Variants in NR3C2 observed in about 807,000 individuals in gnomAD.
The protein encoded by NR3C2 is nuclear receptor subfamily 3 group C member 2.
Under a neutral mutation model 86.4 loss-of-function variants are expected in NR3C2, and 15 were observed. That is an observed-to-expected ratio of 0.17 (90% CI 0.12 to 0.27). The LOEUF (loss-of-function observed/expected upper bound fraction) is 0.27. NR3C2 is among the 10% of genes least tolerant of loss of function. The probability of loss-of-function intolerance (pLI) is 1.00; values close to 1 mark genes in which losing one functional copy is unlikely to be tolerated. For synonymous variants in NR3C2, 458 were observed against 450.5 expected, an observed-to-expected ratio of 1.02 and a Z score of -0.21; for missense variants, 960 against 1,195.6, an observed-to-expected ratio of 0.80 and a Z score of 2.91.
At chr4:148,118,390 G>A (rs72961519) in intron 7 of NR3C2, among the ~76,000 whole-genome samples, 2 of 152,046 alleles carry the variant, frequency 1.3e-5, no homozygotes, top group Admixed American at 6.6e-5. Context: ...CTCTCACCTC[G>A]TGGCTTCCAA....
At chr4:148,134,625 TTCTCTCTCTC>T (rs199563185) in intron 6 of NR3C2, among the ~76,000 whole-genome samples, 2 of 101,064 alleles carry the variant, frequency 2.0e-5, no homozygotes, top group Admixed American at 1.1e-4. Context: ...CTCCCTGTGA[TTCTCTCTCTC>T]TCTCTCTCTT....
At chr4:148,417,120 G>GT (rs774643807) in intron 2 of NR3C2, among the ~76,000 whole-genome samples, 2 of 151,918 alleles carry the variant, frequency 1.3e-5, no homozygotes, top group Non-Finnish European at 2.9e-5. Context: ...TCTTTTCCTT[G>GT]TTTTTTCCCT....
At chr4:148,138,483 G>C (rs1292418173) in intron 6 of NR3C2, among the ~76,000 whole-genome samples, 1 of 152,068 alleles carries the variant, frequency 6.6e-6, no homozygotes, top group African/African-American at 2.4e-5. Context: ...CCTGGGCTCA[G>C]GTGGATCCTC....
rs1560934149 is a variant in NR3C2, at chr4:148,125,422, C to T, written c.2511-5134G>A. Among the ~76,000 whole-genome samples the T allele has an allele frequency of 4.6e-5, 7 of 152,196 alleles. No individual in the cohort carries two copies. The South Asian group carries it at 1.2e-3, about 27-fold the overall frequency. The stretch of plus-strand genomic sequence containing the variant: ...TGGAGTCTAGCTTCCTGTCACCTTT[C>T]TCTGTCTGTGTTCTAATACCCACTC... On this transcript the variant is annotated intron_variant, in intron 6 of 8. Transcript: ENST00000358102.
chr4:148,399,413 A>G (rs754993214), intron 2 of NR3C2, among the ~76,000 whole-genome samples: 4 of 151,844 alleles, frequency 2.6e-5, no homozygotes, highest in Non-Finnish European at 4.4e-5. Context: ...AATGACATAC[A>G]TATAGTGTAT....
chr4:148,249,406 TCA>T (rs1739470039), intron 3 of NR3C2, among the ~76,000 whole-genome samples: 1 of 152,224 alleles, frequency 6.6e-6, no homozygotes, highest in Non-Finnish European at 1.5e-5. Context: ...TGAATTTATA[TCA>T]GACTTATCAA....
chr4:148,346,329 T>C (rs751478531), intron 2 of NR3C2, among the ~76,000 whole-genome samples: 1 of 152,082 alleles, frequency 6.6e-6, no homozygotes, highest in Non-Finnish European at 1.5e-5. Flanking sequence ...ACATGGTCCA[T>C]GGAACTGGCA....
At position 148,290,042 on chromosome 4, in the gene NR3C2, A is replaced by G. The variant is rs184401783; in HGVS notation, c.1758-29925T>C. On this transcript the variant is annotated intron_variant, in intron 2 of 8. Coordinates refer to ENST00000358102, the MANE Select transcript of NR3C2 (RefSeq NM_000901.5). ...CCTAGGGTTGCCATAACAAACTACC[A>G]CAGGCTGGGTGGTTAAATCAACAAT... Among the ~76,000 whole-genome samples the G allele has an allele frequency of 3.3e-5, 5 of 152,238 alleles. No individual in the cohort carries two copies. The East Asian group carries it at 9.7e-4, about 29-fold the overall frequency.
At chr4:148,215,842 C>G (rs1257751111) in intron 3 of NR3C2, among the ~76,000 whole-genome samples, 1 of 145,492 alleles carries the variant, frequency 6.9e-6, no homozygotes, top group East Asian at 2.0e-4. Flanking sequence ...TGCAGTGGCT[C>G]GATCTCAGCT....
At chr4:148,233,772 G>C (rs1053681355) in intron 3 of NR3C2, among the ~76,000 whole-genome samples, 1 of 152,084 alleles carries the variant, frequency 6.6e-6, no homozygotes, top group African/African-American at 2.4e-5. Flanking sequence ...GTCTTACGTG[G>C]TCATGGTTTG....
At chr4:148,256,615 T>G (rs1739845906) in intron 3 of NR3C2, among the ~76,000 whole-genome samples, 1 of 152,200 alleles carries the variant, frequency 6.6e-6, no homozygotes, top group African/African-American at 2.4e-5. Flanking sequence ...AAATTAAAAC[T>G]AGGTTTCTGA....
intron 2 of NR3C2, among the ~76,000 whole-genome samples, chr4:148,430,098 T>C (rs1392032198): frequency 2.0e-5 from 3 of 152,276 alleles, no homozygotes; most frequent in South Asian, 2.1e-4. Flanking sequence ...ACACCTAGAA[T>C]TTCAATATTG....
chr4:148,380,680 C>CTG (rs35714983), intron 2 of NR3C2, among the ~76,000 whole-genome samples: 1 of 152,170 alleles, frequency 6.6e-6, no homozygotes, highest in Non-Finnish European at 1.5e-5. Context: ...TTGCATCTCC[C>CTG]TGTGACTAAT....
intron 7 of NR3C2, among the ~76,000 whole-genome samples, chr4:148,115,531 C>T (rs61764251): frequency 6.6e-6 from 1 of 152,174 alleles, no homozygotes; most frequent in Non-Finnish European, 1.5e-5. Flanking sequence ...TTTCCCATAA[C>T]TGGTGTAAAT....
chr4:148,349,567 C>G (rs1002955129), intron 2 of NR3C2, among the ~76,000 whole-genome samples: 15 of 152,100 alleles, frequency 9.9e-5, no homozygotes, highest in Admixed American at 9.2e-4. Flanking sequence ...TACAAAGACA[C>G]TTCCTGGACT....
chr4:148,441,772 G>C (rs1330709633), intron 1 of NR3C2, among the ~76,000 whole-genome samples: 2 of 152,136 alleles, frequency 1.3e-5, no homozygotes, highest in African/African-American at 4.8e-5. Flanking sequence ...GCCCTTATGC[G>C]CTACACCTCC....
intron 8 of NR3C2, among the ~76,000 whole-genome samples, chr4:148,101,933 A>G (rs574801391): frequency 2.5e-4 from 38 of 152,246 alleles, no homozygotes; most frequent in African/African-American, 8.9e-4. Flanking sequence ...GGCTTCTAAT[A>G]TAGATACTGG....
At chr4:148,155,303 G>A (rs559978037) in intron 4 of NR3C2, among the ~76,000 whole-genome samples, 14 of 152,148 alleles carry the variant, frequency 9.2e-5, no homozygotes, top group Non-Finnish European at 2.1e-4. Context: ...TATTCAATTA[G>A]GAAAAGACGA....
intron 3 of NR3C2, among the ~76,000 whole-genome samples, chr4:148,214,007 G>T (rs1017257692): frequency 6.6e-6 from 1 of 152,158 alleles, no homozygotes; most frequent in Non-Finnish European, 1.5e-5. Context: ...TTCTAACTAG[G>T]ACTTACCCCA....
Sources: allele counts gnomAD v4.1 joint callset (sites outside exome capture counted in the v4.1 genomes callset), GRCh38; gene constraint gnomAD v4.1.1; transcripts MANE v1.5; gene names NCBI Gene and HGNC (gene_info 2026-07-23, HGNC 2026-07-21).